The following PTPRR variants were observed in gnomAD, a reference collection of about 807,000 sequenced individuals.
PTPRR encodes receptor-type tyrosine-protein phosphatase R.
A neutral mutation model predicts 77.2 loss-of-function variants in PTPRR; 38 were observed. That is an observed-to-expected ratio of 0.49 (90% confidence interval 0.38 to 0.65). PTPRR has a LOEUF of 0.65. Ranked by LOEUF, PTPRR falls within the 30% of genes least tolerant of loss-of-function variation. PTPRR has a pLI of 0.00. For synonymous variants in PTPRR, 299 were observed against 283.1 expected (o/e 1.06, Z -0.57); for missense variants, 744 against 799.2 (o/e 0.93, Z 0.83).
intron 2 of PTPRR, among the ~76,000 whole-genome samples, chr12:70,830,674 G>A (rs1467161456): frequency 3.9e-5 from 6 of 152,296 alleles, no homozygotes; most frequent in South Asian, 2.1e-4. Flanking sequence ...CCTCTGCATC[G>A]GAAACACAGT....
chr12:70,918,729 A>C (rs1459586280), intron 1 of PTPRR, among the ~76,000 whole-genome samples: 3 of 152,198 alleles, frequency 2.0e-5, no homozygotes, highest in African/African-American at 7.2e-5. Flanking sequence ...CTACACTGAT[A>C]TTGTTGGCAG....
intron 13 of PTPRR, chr12:70,639,491 A>G: frequency 7.6e-7 from 1 of 1,322,082 alleles, no homozygotes; most frequent in Non-Finnish European, 9.7e-7. Flanking sequence ...AGTTCCCAGC[A>G]CACACTAGGC....
intron 2 of PTPRR, among the ~76,000 whole-genome samples, chr12:70,822,181 CT>C (rs1264608103): frequency 6.6e-6 from 1 of 152,148 alleles, no homozygotes; most frequent in Non-Finnish European, 1.5e-5. Flanking sequence ...ACATATGACA[CT>C]TTAACCTAAC....
chr12:70,816,663 C>A (rs1027092510), intron 2 of PTPRR, among the ~76,000 whole-genome samples: 2 of 151,628 alleles, frequency 1.3e-5, no homozygotes, highest in Non-Finnish European at 2.9e-5. Flanking sequence ...TGGTGTGTGA[C>A]CAAAAACATC....
intron 1 of PTPRR, among the ~76,000 whole-genome samples, chr12:70,894,831 T>G (rs1009062380): frequency 6.6e-6 from 1 of 151,770 alleles, no homozygotes. Context: ...AGGGTCATCA[T>G]TGTCCAATCA....
At chr12:70,783,718 C>T (rs1250130854) in intron 2 of PTPRR, among the ~76,000 whole-genome samples, 1 of 152,150 alleles carries the variant, frequency 6.6e-6, no homozygotes, top group Non-Finnish European at 1.5e-5. Flanking sequence ...AGGAGCCTGT[C>T]TGCCTCCCAT....
intron 1 of PTPRR, among the ~76,000 whole-genome samples, chr12:70,915,728 G>A (rs1270312211): frequency 1.3e-5 from 2 of 152,192 alleles, no homozygotes; most frequent in African/African-American, 4.8e-5. Flanking sequence ...GTTAGAGATA[G>A]TGTGTTTTGG....
intron 13 of PTPRR, among the ~76,000 whole-genome samples, chr12:70,650,148 A>G (rs12310467): frequency 0.24 from 37,064 of 152,036 alleles, 6,468 homozygotes; most frequent in African/African-American, 0.48. Flanking sequence ...GACTTCGAAG[A>G]AATATAGTGT....
chr12:70,734,975 C>T (rs1480614225), intron 6 of PTPRR, among the ~76,000 whole-genome samples: 1 of 152,174 alleles, frequency 6.6e-6, no homozygotes, highest in Non-Finnish European at 1.5e-5. Context: ...AATTTTCAGG[C>T]AGGTTTCAAA....
At chr12:70,771,882 A>G (rs1316442017) in intron 2 of PTPRR, among the ~76,000 whole-genome samples, 1 of 152,226 alleles carries the variant, frequency 6.6e-6, no homozygotes, top group Non-Finnish European at 1.5e-5. Context: ...TCTGGTAAAA[A>G]TGCCAGTGGT....
intron 2 of PTPRR, among the ~76,000 whole-genome samples, chr12:70,878,185 C>A (rs2137100344): frequency 6.6e-6 from 1 of 152,282 alleles, no homozygotes; most frequent in Non-Finnish European, 1.5e-5. Flanking sequence ...ACGACATAGG[C>A]ATGAGCAAGG....
At chr12:70,754,864 A>G (rs1890522436) in intron 4 of PTPRR, 7 of 760,508 alleles carry the variant, frequency 9.2e-6, no homozygotes, top group Non-Finnish European at 1.4e-5. Flanking sequence ...CTAAAATATC[A>G]TCTCAAGAAT....
At chr12:70,831,874 T>C (rs1410071122) in intron 2 of PTPRR, among the ~76,000 whole-genome samples, 1 of 152,214 alleles carries the variant, frequency 6.6e-6, no homozygotes, top group Non-Finnish European at 1.5e-5. Flanking sequence ...CCGCTTGAAC[T>C]GAGGGGTTCT....
chr12:70,857,888 C>T (rs1442404700), intron 2 of PTPRR, among the ~76,000 whole-genome samples: 1 of 152,072 alleles, frequency 6.6e-6, no homozygotes, highest in Non-Finnish European at 1.5e-5. Context: ...AACCTATAAG[C>T]CAGAAGTTGG....
In PTPRR at chr12:70,920,343, A is replaced by G. The variant is rs749313941; in HGVS notation, c.48T>C (p.Leu16=). The G allele has an allele frequency of 3.1e-6, 5 of 1,613,738 alleles. No homozygotes were observed. The South Asian group carries it at 4.4e-5, about 14-fold the overall frequency. Reference sequence around the variant, plus strand: ...CTGGCAACCCCTTACCTGCAGCGTGAAGATTAAGGAGCAGGCACAGCGCAG... The same window carrying G: ...CTGGCAACCCCTTACCTGCAGCGTGGAGATTAAGGAGCAGGCACAGCGCAG... The part of the protein sequence containing the change: ...CFPALCLLLN[L]HAAGCFSGNN... The change falls in exon 1 of 14, where the codon CTT becomes CTC. Residue 16 remains leucine, a synonymous_variant. Coordinates refer to ENST00000283228, the MANE Select transcript of PTPRR (RefSeq NM_002849.4).
At chr12:70,827,709 CTTTTTT>C (rs869285373) in intron 2 of PTPRR, among the ~76,000 whole-genome samples, 23 of 63,870 alleles carry the variant, frequency 3.6e-4, no homozygotes, top group African/African-American at 1.8e-3. Context: ...CCACACCTGG[CTTTTTT>C]TTTTTTTTTT....
intron 10 of PTPRR, among the ~76,000 whole-genome samples, chr12:70,665,364 C>CTTTTTTTTTTTTTTTTTTTTTTTT (rs72472808): frequency 2.2e-5 from 1 of 44,562 alleles, no homozygotes; most frequent in Non-Finnish European, 4.5e-5. Flanking sequence ...AATGCAAATT[C>CTTTTTTTTTTTTTTTTTTTTTTTT]TTTTTTTTTT....
chr12:70,748,114 C>A (rs1006571312), intron 5 of PTPRR, among the ~76,000 whole-genome samples: 1 of 152,068 alleles, frequency 6.6e-6, no homozygotes, highest in African/African-American at 2.4e-5. Flanking sequence ...AATAGTAACT[C>A]CGAAATGTCA....
In PTPRR at chr12:70,733,687, C is replaced by A. The variant is rs187801472; in HGVS notation, c.1007+12131G>T. Reference sequence around the variant, plus strand: ...ATCATGCTGCATTGCTAAATGGGAACGACACTTTAAAGTGGTTTTTATAAG... The same window carrying A: ...ATCATGCTGCATTGCTAAATGGGAAAGACACTTTAAAGTGGTTTTTATAAG... On this transcript the variant is annotated intron_variant, in intron 6 of 13. Transcript: ENST00000283228. Among the ~76,000 whole-genome samples, 48 of 151,776 alleles carry A rather than the reference C, an allele frequency of 3.2e-4. No homozygotes were observed. In the East Asian group the frequency reaches 7.0e-3, roughly 22 times the overall value.
Sources: allele counts gnomAD v4.1 joint callset (sites outside exome capture counted in the v4.1 genomes callset), GRCh38; gene constraint gnomAD v4.1.1; transcripts MANE v1.5; gene names NCBI Gene and HGNC (gene_info 2026-07-23, HGNC 2026-07-21).